The following SUPT16H variants were observed in gnomAD, a reference collection of about 807,000 sequenced individuals.
The protein encoded by SUPT16H is FACT complex subunit SPT16.
A neutral mutation model predicts 136.2 loss-of-function variants in SUPT16H; 24 were observed. The ratio of observed to expected loss-of-function variants is 0.18; its 90% CI spans 0.13 to 0.25. SUPT16H has a LOEUF of 0.25. SUPT16H is among the 10% of genes least tolerant of loss of function. SUPT16H has a pLI of 1.00. For missense variants in SUPT16H, 623 were observed against 1,270.2 expected, an observed-to-expected ratio of 0.49 and a Z score of 7.74; for synonymous variants, 415 against 428.2, an observed-to-expected ratio of 0.97 and a Z score of 0.38.
intron 15 of SUPT16H, among the ~76,000 whole-genome samples, chr14:21,361,647 T>C (rs927680473): frequency 3.9e-5 from 6 of 152,202 alleles, no homozygotes; most frequent in Admixed American, 3.9e-4. Context: ...TCAAATCTGG[T>C]ATAACATCCC....
Position 21,373,407 on chromosome 14 carries a change from G to A in SUPT16H, c.90C>T (p.Asn30=), listed in dbSNP as rs768347394. Reference sequence around the variant, plus strand: ...CCACTGATACAACAATGGCATCAACGTTGGCATACTCATCTTCTCCTTTCT... The same window carrying A: ...CCACTGATACAACAATGGCATCAACATTGGCATACTCATCTTCTCCTTTCT... ...NWRKGEDEYA[N]VDAIVVSVGV... The change falls in exon 2 of 26, where the codon AAC becomes AAT. Residue 30 remains asparagine, a synonymous_variant. Transcript: ENST00000216297. The A allele has an allele frequency of 2.5e-5, 40 of 1,613,886 alleles. No individual in the cohort carries two copies. The highest frequency in any genetic ancestry group is 2.5e-5 in the Non-Finnish European group (29 of 1,179,910).
At chr14:21,380,838 T>TA (rs1425210416) in intron 1 of SUPT16H, among the ~76,000 whole-genome samples, 1 of 151,982 alleles carries the variant, frequency 6.6e-6, no homozygotes, top group African/African-American at 2.4e-5. Context: ...CCTGGGATGG[T>TA]AGATAACCTC....
At chr14:21,369,959 C>A in intron 4 of SUPT16H, 63 bp from the exon 5 acceptor site, 11 of 1,572,430 alleles carry the variant, frequency 7.0e-6, no homozygotes, top group Non-Finnish European at 9.6e-6. Context: ...AAATGCATCT[C>A]TCCAATTTGA....
intron 1 of SUPT16H, among the ~76,000 whole-genome samples, chr14:21,379,534 C>G (rs1886975338): frequency 6.6e-6 from 1 of 151,614 alleles, no homozygotes; most frequent in East Asian, 1.9e-4. Context: ...TTATTTCCAT[C>G]TAACCCTCCT....
chr14:21,379,831 G>A (rs542715600), intron 1 of SUPT16H, among the ~76,000 whole-genome samples: 1 of 152,284 alleles, frequency 6.6e-6, no homozygotes, highest in African/African-American at 2.4e-5. Context: ...GCTGCAGTGA[G>A]CAGTGATTGT....
At position 21,352,054 on chromosome 14, in the gene SUPT16H, C is replaced by A. The variant is rs1886320417; in HGVS notation, c.*619G>T. ...ACCGAGCCAGGGAGTATCACTGCTT[C>A]TTATGTCTTCCAAGGCAGCAGATAT... On this transcript the variant is annotated 3_prime_UTR_variant, in exon 26 of 26. Coordinates refer to ENST00000216297, the MANE Select transcript of SUPT16H (RefSeq NM_007192.4). 6.5e-6 allele frequency: 1 copy of A among 153,900 alleles called. No individual in the cohort carries two copies. Among genetic ancestry groups the A allele is most frequent in the African/African-American group, 2.4e-5 (1 of 41,404 alleles). 9.5% of individuals were successfully genotyped at this position (153,900 alleles called of 1,614,324 possible). A position where few individuals can be genotyped will look rare whatever the true frequency, so the allele number is the denominator to read the frequency against.
chr14:21,367,415 G>C (rs1886695420), intron 7 of SUPT16H, among the ~76,000 whole-genome samples: 1 of 152,224 alleles, frequency 6.6e-6, no homozygotes. Flanking sequence ...TATGAGGGCT[G>C]TGGCCTTAAT....
Position 21,360,438 on chromosome 14 carries a change from TA to T in SUPT16H, c.2151del (p.Ile718LeufsTer30). ...ACCTTGAGGTGAAAGTGCAAGACAA[TA>T]ATCATTTCTCCATCACAGGGCTGGA... ...ALFQPCDGEM[I>X]IVLHFHLKNA... On this transcript the variant is annotated frameshift_variant, in exon 18 of 26. Coordinates refer to ENST00000216297, the MANE Select transcript of SUPT16H (RefSeq NM_007192.4). LOFTEE classifies it high-confidence loss of function. The T allele has an allele frequency of 6.2e-7, 1 of 1,613,678 alleles. No homozygotes were observed.
chr14:21,362,916 G>A lies in SUPT16H; in HGVS notation c.1543C>T (p.Pro515Ser). The change falls in exon 14 of 26, where the codon CCA becomes TCA. Residue 515 changes from proline (P) to serine (S), a missense_variant. Transcript: ENST00000216297. ...ARKSNVSYKN[P>S]SLMPKEPHIR... ...TGTGGTTCCTTAGGCATCAGAGATG[G>A]GTTTTTATAGGACACATTAGACTTG... 1 of 1,613,534 alleles carries A rather than the reference G, an allele frequency of 6.2e-7. No homozygotes were observed. Among genetic ancestry groups the A allele is most frequent in the Non-Finnish European group, 8.5e-7 (1 of 1,179,888 alleles).
rs549145111 is a variant in SUPT16H at position 21,362,085 on chromosome 14, G to A, written c.1793+112C>T. 8 of 1,315,926 alleles carry A rather than the reference G, an allele frequency of 6.1e-6. No homozygotes were observed. In the South Asian group the frequency reaches 9.5e-5, roughly 16 times the overall value. 81.5% of individuals were successfully genotyped at this position (1,315,926 alleles called of 1,614,324 possible). ...GCGATCCGAAACAAGTACCAATGAG[G>A]AAGGCTTTGACATTTACTAGGTAGG... is the stretch of plus-strand genomic sequence containing the variant. On this transcript the variant is annotated intron_variant, in intron 15 of 25. Transcript: ENST00000216297.
chr14:21,356,206 A>G (rs571924206), intron 22 of SUPT16H, among the ~76,000 whole-genome samples: 2 of 152,178 alleles, frequency 1.3e-5, no homozygotes, highest in East Asian at 3.9e-4. Flanking sequence ...AGATCTGCAG[A>G]GGGGTCCCCT....
intron 19 of SUPT16H, 120 bp downstream of exon 19, chr14:21,359,364 G>T: frequency 3.5e-6 from 5 of 1,415,626 alleles, no homozygotes; most frequent in Non-Finnish European, 4.8e-6. Context: ...CCAAAGTGCT[G>T]GGATTACAGG....
chr14:21,358,070 C>T (rs1886473287), intron 20 of SUPT16H, 68 bp from the exon 21 acceptor site: 1 of 1,397,782 alleles, frequency 7.2e-7, no homozygotes, highest in East Asian at 2.3e-5. Context: ...AACAGACAAA[C>T]TTCTTCCCTC....
At chr14:21,377,678 C>T (rs1434028568) in intron 1 of SUPT16H, among the ~76,000 whole-genome samples, 1 of 151,224 alleles carries the variant, frequency 6.6e-6, no homozygotes, top group African/African-American at 2.4e-5. Context: ...GGTTGGAGTG[C>T]AATGGCACGA....
chr14:21,357,026 GA>G (rs1886449540), intron 22 of SUPT16H, among the ~76,000 whole-genome samples, 170 bp downstream of exon 22: 1 of 152,202 alleles, frequency 6.6e-6, no homozygotes, highest in South Asian at 2.1e-4. Flanking sequence ...AAGAAAAAGT[GA>G]ACAGCTCCGT....
chr14:21,380,296 A>ATTTTTTTTTTTTTTTT (rs60588939), intron 1 of SUPT16H, among the ~76,000 whole-genome samples: 5 of 112,030 alleles, frequency 4.5e-5, no homozygotes, highest in African/African-American at 6.4e-5. Flanking sequence ...GGAAGACTGA[A>ATTTTTTTTTTTTTTTT]TTTTTTTTTT....
At position 21,373,886 on chromosome 14, in the gene SUPT16H, C is replaced by A. The variant is rs975028419; in HGVS notation, c.67-456G>T. On this transcript the variant is annotated intron_variant, in intron 1 of 25. Transcript: ENST00000216297. ...AGGATTACAGGTGCCCACCACCACA[C>A]CTGGCTAATTTTTTTATTTTCAGTA... Among the ~76,000 whole-genome samples, 5 of 152,086 alleles carry A rather than the reference C, an allele frequency of 3.3e-5. No homozygotes were observed. In the South Asian group the frequency reaches 1.0e-3, roughly 32 times the overall value.
intron 21 of SUPT16H, 49 bp from the exon 22 acceptor site, chr14:21,357,415 C>A: frequency 1.4e-6 from 2 of 1,451,828 alleles, no homozygotes; most frequent in Non-Finnish European, 1.8e-6. Context: ...TCCCCCAAAG[C>A]AATAATATTT....
At chr14:21,380,405 G>C (rs1458292858) in intron 1 of SUPT16H, among the ~76,000 whole-genome samples, 1 of 149,782 alleles carries the variant, frequency 6.7e-6, no homozygotes, top group African/African-American at 2.5e-5. Flanking sequence ...GGAGTAGCTG[G>C]GATTATACAG....
Sources: allele counts gnomAD v4.1 joint callset (sites outside exome capture counted in the v4.1 genomes callset), GRCh38; gene constraint gnomAD v4.1.1; transcripts MANE v1.5; gene names NCBI Gene and HGNC (gene_info 2026-07-23, HGNC 2026-07-21).